Variants in TMEM131L observed in about 807,000 individuals in gnomAD.
TMEM131L encodes the protein transmembrane protein 131-like.
TMEM131L carries 54 observed loss-of-function variants against 192.2 expected under a neutral mutation model. The observed-to-expected ratio is 0.28, with a 90% CI of 0.23 to 0.35. TMEM131L has a LOEUF of 0.35. Ranked by LOEUF, TMEM131L falls within the 10% of genes least tolerant of loss-of-function variation. The pLI is 1.00. For synonymous variants in TMEM131L, 701 were observed against 704.9 expected (o/e 0.99, Z 0.09); for missense variants, 1,888 against 1,972.9 (o/e 0.96, Z 0.82).
intron 4 of TMEM131L, among the ~76,000 whole-genome samples, chr4:153,550,396 T>A (rs368675629): frequency 6.6e-6 from 1 of 152,074 alleles, no homozygotes; most frequent in Non-Finnish European, 1.5e-5. Context: ...GCGTGATCTC[T>A]GCTCACTGCA....
chr4:153,525,805 G>T (rs1735429399), intron 3 of TMEM131L, among the ~76,000 whole-genome samples: 2 of 152,088 alleles, frequency 1.3e-5, no homozygotes, highest in Non-Finnish European at 2.9e-5. Flanking sequence ...GCTTGGAGAT[G>T]CTGATTAAGT....
chr4:153,494,395 G>T (rs143986032), intron 3 of TMEM131L, among the ~76,000 whole-genome samples: 2 of 152,308 alleles, frequency 1.3e-5, no homozygotes, highest in African/African-American at 4.8e-5. Context: ...ATTTGACAGA[G>T]AAAGGTGTTT....
At chr4:153,543,388 A>G (rs1736938951) in intron 3 of TMEM131L, among the ~76,000 whole-genome samples, 1 of 152,220 alleles carries the variant, frequency 6.6e-6, no homozygotes, top group South Asian at 2.1e-4. Flanking sequence ...GACTTGTACT[A>G]AGATCATGAT....
In TMEM131L at chr4:153,485,429, CCT is replaced by C. The variant is rs924660040; in HGVS notation, c.239+11542_239+11543del. Among the ~76,000 whole-genome samples, 43 of 152,316 alleles carry C rather than the reference CCT, an allele frequency of 2.8e-4. 1 individual carries two copies. The highest frequency in any genetic ancestry group is 6.8e-3 in the Middle Eastern group (2 of 294). On this transcript the variant is annotated intron_variant, in intron 3 of 34. Transcript: ENST00000409959. ...TTCTGTAGGAAAGATGATTTGCCCC[CCT>C]GTGAAGTGCCCAGATACCCACTGTT...
At chr4:153,617,565 T>G (rs1005173386) in intron 26 of TMEM131L, among the ~76,000 whole-genome samples, 4 of 152,220 alleles carry the variant, frequency 2.6e-5, no homozygotes, top group Non-Finnish European at 5.9e-5. Flanking sequence ...AGCATTTTCC[T>G]TCATTTTTTG....
At chr4:153,519,898 G>T (rs1734989289) in intron 3 of TMEM131L, among the ~76,000 whole-genome samples, 4 of 152,284 alleles carry the variant, frequency 2.6e-5, no homozygotes, top group Middle Eastern at 3.4e-3. Context: ...TTGACCACAG[G>T]GAGTTCACAC....
At chr4:153,575,256 G>A (rs1729857587) in intron 7 of TMEM131L, among the ~76,000 whole-genome samples, 2 of 152,130 alleles carry the variant, frequency 1.3e-5, no homozygotes, top group Non-Finnish European at 2.9e-5. Flanking sequence ...CAATTCCTTA[G>A]CAAGTGAAGG....
intron 3 of TMEM131L, 60 bp downstream of exon 3, chr4:153,473,948 T>G: frequency 1.8e-6 from 2 of 1,121,736 alleles, no homozygotes; most frequent in Middle Eastern, 2.0e-4. Flanking sequence ...CTTTGGGTGC[T>G]CTCTGAAGTC....
chr4:153,623,161 C>T (rs910685023), intron 29 of TMEM131L, 78 bp downstream of exon 29: 31 of 1,332,072 alleles, frequency 2.3e-5, no homozygotes, highest in East Asian at 1.5e-4. Context: ...CACACAGTCT[C>T]GATCTGCCTT....
At chr4:153,582,420 GTTTTTTTTTGTTGTTTTTT>G (rs1440244929) in intron 9 of TMEM131L, among the ~76,000 whole-genome samples, 6 of 81,844 alleles carry the variant, frequency 7.3e-5, no homozygotes, top group Admixed American at 3.8e-4. Flanking sequence ...AATTTAAACC[GTTTTTTTTTGTTGTTTTTT>G]TTTTTTTTTT....
rs78769069 is a variant in TMEM131L, at chr4:153,541,924, TG to T, written c.240-8148del. 5.2e-3 allele frequency among the ~76,000 whole-genome samples: 795 copies of T among 152,340 alleles called. 11 individuals carry two copies. In the East Asian group the frequency reaches 0.082, roughly 16 times the overall value. On this transcript the variant is annotated intron_variant, in intron 3 of 34. Transcript: ENST00000409959. ...TCTTTGCTTCCTTGTGGCATCAGCTTGAGGAGGCCCTGCCTCAGGCGGGTAA... is the reference window on the plus strand; with the variant it reads ...TCTTTGCTTCCTTGTGGCATCAGCTTAGGAGGCCCTGCCTCAGGCGGGTAA...
chr4:153,580,813 T>C lies in TMEM131L; in HGVS notation c.661-13T>C, dbSNP rs1321074068. 1.3e-6 allele frequency: 2 copies of C among 1,580,718 alleles called. No individual in the cohort carries two copies. The highest frequency in any genetic ancestry group is 2.7e-5 in the African/African-American group (2 of 73,934). ...TTACTTAAAGTTCTTTTCCTCCTTT[T>C]TTCTTCTTTTAGGCAGAAACCACTA... On this transcript the variant is annotated splice_polypyrimidine_tract_variant and intron_variant, in intron 7 of 34. Transcript: ENST00000409959.
intron 3 of TMEM131L, among the ~76,000 whole-genome samples, chr4:153,506,290 C>T (rs1034339508): frequency 1.3e-5 from 2 of 152,094 alleles, no homozygotes; most frequent in Non-Finnish European, 2.9e-5. Flanking sequence ...GTATGGTTTA[C>T]GGGGACAAAA....
intron 3 of TMEM131L, among the ~76,000 whole-genome samples, chr4:153,526,553 T>C (rs1482519412): frequency 6.6e-6 from 1 of 151,662 alleles, no homozygotes. Context: ...GCTAACACGG[T>C]GAAACCCCGT....
chr4:153,546,214 CT>C (rs539302643), intron 3 of TMEM131L, among the ~76,000 whole-genome samples: 6,759 of 137,746 alleles, frequency 0.049, 359 homozygotes, highest in African/African-American at 0.14. Context: ...TAACTAGGAG[CT>C]TTTTTTTTTT....
intron 3 of TMEM131L, among the ~76,000 whole-genome samples, chr4:153,540,068 G>A (rs954699421): frequency 4.0e-5 from 6 of 151,746 alleles, no homozygotes; most frequent in South Asian, 2.1e-4. Flanking sequence ...CTGAGATCGC[G>A]CCACTGCCCT....
intron 12 of TMEM131L, 112 bp downstream of exon 12, chr4:153,585,043 G>T (rs1053885641): frequency 1.4e-5 from 12 of 842,280 alleles, no homozygotes; most frequent in Non-Finnish European, 2.1e-5. Context: ...CTCTCTCACT[G>T]GCCTTGCCTC....
At chr4:153,488,902 T>C (rs1244548692) in intron 3 of TMEM131L, among the ~76,000 whole-genome samples, 2 of 152,124 alleles carry the variant, frequency 1.3e-5, no homozygotes, top group East Asian at 3.9e-4. Context: ...CTCCAGTCTC[T>C]TGTCGCACAG....
Position 153,555,678 on chromosome 4 carries a change from C to A in TMEM131L, c.309-109C>A. On this transcript the variant is annotated intron_variant, in intron 4 of 34. Coordinates refer to ENST00000409959, the MANE Select transcript of TMEM131L (RefSeq NM_001131007.2). The surrounding 1 kb of genome is among the most constrained non-coding windows in gnomAD (Gnocchi z 4.1). ...TTAACTTTGTGATGAACAGCAACAGCTTTCTGGGTTTAAAAATCTGTGTGT... is the reference window on the plus strand; with the variant it reads ...TTAACTTTGTGATGAACAGCAACAGATTTCTGGGTTTAAAAATCTGTGTGT... 1.1e-6 allele frequency: 1 copy of A among 913,696 alleles called. No homozygotes were observed. Among genetic ancestry groups the A allele is most frequent in the East Asian group, 3.0e-5 (1 of 33,418 alleles). 56.6% of individuals were successfully genotyped at this position (913,696 alleles called of 1,614,324 possible).
Sources: gnomAD v4.1 joint callset for allele counts (sites outside exome capture counted in the v4.1 genomes callset) on GRCh38, gnomAD v4.1.1 for gene constraint, Gnocchi (gnomAD v3.1) non-coding constraint, MANE v1.5 for transcripts, NCBI Gene and HGNC (gene_info 2026-07-23, HGNC 2026-07-21) for gene names.